The following ZNF618 variants were observed in gnomAD, a reference collection of about 807,000 sequenced individuals.
ZNF618 encodes zinc finger protein 618.
A neutral mutation model predicts 103.0 loss-of-function variants in ZNF618; 34 were observed. That is an observed-to-expected ratio of 0.33 (90% CI 0.25 to 0.44). ZNF618 has a LOEUF of 0.44. ZNF618 is among the 20% of genes least tolerant of loss of function. ZNF618 has a pLI of 1.00. For missense variants in ZNF618, 1,059 were observed against 1,295.4 expected, an observed-to-expected ratio of 0.82 and a Z score of 2.80; for synonymous variants, 551 against 542.2, an observed-to-expected ratio of 1.02 and a Z score of -0.23.
chr9:113,897,165 T>C (rs1325749000), intron 1 of ZNF618, among the ~76,000 whole-genome samples: 1 of 152,184 alleles, frequency 6.6e-6, no homozygotes. Flanking sequence ...TTATCATAAC[T>C]GATGTGTTTT....
chr9:114,019,193 T>C (rs1000630727), intron 10 of ZNF618, among the ~76,000 whole-genome samples: 1 of 152,260 alleles, frequency 6.6e-6, no homozygotes, highest in Non-Finnish European at 1.5e-5. Context: ...GTTCATTCTT[T>C]TTTACTTCTG....
intron 3 of ZNF618, among the ~76,000 whole-genome samples, chr9:113,995,114 C>G (rs1840443282): frequency 1.3e-5 from 2 of 152,120 alleles, no homozygotes; most frequent in South Asian, 4.1e-4. Context: ...GCTCATATTT[C>G]CAGTCCACTG....
chr9:113,944,826 G>A (rs1015107488), intron 1 of ZNF618, among the ~76,000 whole-genome samples: 1 of 152,264 alleles, frequency 6.6e-6, no homozygotes, highest in Admixed American at 6.5e-5. Flanking sequence ...TTTGAAATCA[G>A]TGTGTGTTTT....
intron 1 of ZNF618, among the ~76,000 whole-genome samples, chr9:113,884,219 G>A (rs954340210): frequency 4.6e-5 from 7 of 152,178 alleles, no homozygotes; most frequent in East Asian, 1.9e-4. Context: ...CGACAACAGC[G>A]GAGCACCAGT....
rs149529319 is a variant in ZNF618, at chr9:113,947,365, A to C, written c.34-21752A>C. 5.7e-3 allele frequency among the ~76,000 whole-genome samples: 864 copies of C among 152,322 alleles called. 4 individuals carry two copies. The highest frequency in any genetic ancestry group is 0.02 in the African/African-American group (832 of 41,560). On this transcript the variant is annotated intron_variant, in intron 1 of 14. Coordinates refer to ENST00000374126, the MANE Select transcript of ZNF618 (RefSeq NM_001318042.2). ...CTCCACAGCATTACCATGAAGAGGC[A>C]TGCGTGTAGAGTGTTTAGTACACTG...
chr9:114,027,207 G>A (rs1025179729), intron 10 of ZNF618, among the ~76,000 whole-genome samples: 1 of 152,226 alleles, frequency 6.6e-6, no homozygotes, highest in Non-Finnish European at 1.5e-5. Context: ...GAGCAGGAGA[G>A]TAGGTATACA....
At chr9:114,016,292 A>G in intron 9 of ZNF618, 1 of 816,610 alleles carries the variant, frequency 1.2e-6, no homozygotes, top group South Asian at 1.6e-5. Context: ...TGGCCACTGC[A>G]GAGGGCAGGG....
chr9:114,031,941 C>T (rs1473143944), intron 11 of ZNF618, among the ~76,000 whole-genome samples: 3 of 152,298 alleles, frequency 2.0e-5, no homozygotes, highest in Non-Finnish European at 2.9e-5. Context: ...CATGGTTTTC[C>T]ACCTGGTTGG....
intron 1 of ZNF618, among the ~76,000 whole-genome samples, chr9:113,936,039 C>T (rs184369491): frequency 5.3e-5 from 8 of 152,230 alleles, no homozygotes; most frequent in South Asian, 4.2e-4. Context: ...ACTGCATCCT[C>T]GAAATCCTGG....
At chr9:113,882,590 C>G (rs1828631713) in intron 1 of ZNF618, among the ~76,000 whole-genome samples, 2 of 152,188 alleles carry the variant, frequency 1.3e-5, no homozygotes, top group Non-Finnish European at 1.5e-5. Flanking sequence ...AGAATGTACA[C>G]TCTTGGCTGT....
intron 1 of ZNF618, among the ~76,000 whole-genome samples, chr9:113,946,716 G>A (rs928805895): frequency 7.2e-5 from 11 of 152,196 alleles, no homozygotes; most frequent in South Asian, 2.1e-4. Context: ...AGTACCCCTC[G>A]CAGGATGTAG....
intron 1 of ZNF618, among the ~76,000 whole-genome samples, chr9:113,887,062 A>T (rs1829144641): frequency 7.0e-6 from 1 of 143,200 alleles, no homozygotes; most frequent in Non-Finnish European, 1.5e-5. Flanking sequence ...TTTCTATTGG[A>T]CAGTGCTGAT....
In ZNF618 at chr9:114,007,333, GT is replaced by G. The variant is rs771370284; in HGVS notation, c.551-13del. Reference sequence around the variant, plus strand: ...CTGAAGCCCTGGTAACCAGGTGTGTGTTTTCATCCCATGCAGACAATTTCAG... The same window carrying G: ...CTGAAGCCCTGGTAACCAGGTGTGTGTTTCATCCCATGCAGACAATTTCAG... On this transcript the variant is annotated splice_polypyrimidine_tract_variant and intron_variant, in intron 6 of 14. Coordinates refer to ENST00000374126, the MANE Select transcript of ZNF618 (RefSeq NM_001318042.2). 13 of 1,612,246 alleles carry G rather than the reference GT, an allele frequency of 8.1e-6. No homozygotes were observed. The South Asian group carries it at 1.3e-4, about 16-fold the overall frequency.
intron 1 of ZNF618, among the ~76,000 whole-genome samples, chr9:113,954,345 C>T (rs954648882): frequency 2.0e-5 from 3 of 152,134 alleles, no homozygotes; most frequent in Admixed American, 6.5e-5. Flanking sequence ...GAGAGCATTA[C>T]CCTTTCACAT....
At chr9:113,893,365 G>C (rs1182844387) in intron 1 of ZNF618, among the ~76,000 whole-genome samples, 1 of 152,184 alleles carries the variant, frequency 6.6e-6, no homozygotes, top group African/African-American at 2.4e-5. Context: ...CCTGGCTGCA[G>C]TTAGTTGCAT....
At chr9:114,041,003 A>C (rs1193110821) in intron 13 of ZNF618, among the ~76,000 whole-genome samples, 4 of 152,122 alleles carry the variant, frequency 2.6e-5, no homozygotes, top group Non-Finnish European at 4.4e-5. Flanking sequence ...TTGTTTCCTG[A>C]CTTTTTAATA....
chr9:113,906,022 A>G (rs936011196), intron 1 of ZNF618, among the ~76,000 whole-genome samples: 3 of 152,078 alleles, frequency 2.0e-5, no homozygotes, highest in Admixed American at 6.5e-5. Context: ...TATTTCGATC[A>G]GTTTCTTAGT....
At chr9:113,960,991 T>C (rs1253876612) in intron 1 of ZNF618, among the ~76,000 whole-genome samples, 2 of 152,208 alleles carry the variant, frequency 1.3e-5, no homozygotes, top group African/African-American at 4.8e-5. Flanking sequence ...TTCACGGGCC[T>C]TGGTTTCCCA....
chr9:114,006,641 TCA>T (rs1022546326), intron 6 of ZNF618, among the ~76,000 whole-genome samples: 1 of 152,176 alleles, frequency 6.6e-6, no homozygotes, highest in African/African-American at 2.4e-5. Flanking sequence ...TGATTATCCC[TCA>T]GTTTCTAGGG....
Sources: gnomAD v4.1 joint callset for allele counts (sites outside exome capture counted in the v4.1 genomes callset) on GRCh38, gnomAD v4.1.1 for gene constraint, MANE v1.5 for transcripts, NCBI Gene and HGNC (gene_info 2026-07-23, HGNC 2026-07-21) for gene names.